ACYP2: variants seen among roughly 807,000 people sequenced by gnomAD.
The protein encoded by ACYP2 is acylphosphatase-2.
ACYP2 carries 12 observed loss-of-function variants against 11.2 expected under a neutral mutation model. The ratio of observed to expected loss-of-function variants is 1.08; its 90% confidence interval spans 0.69 to 1.74. The LOEUF is 1.74. Among genes scored for constraint, ACYP2 ranks in the 40% most tolerant of loss-of-function variants. The pLI, the probability that ACYP2 is intolerant of heterozygous loss-of-function variation, is 0.00. For synonymous variants in ACYP2, 43 were observed against 32.2 expected, an observed-to-expected ratio of 1.33 and a Z score of -1.13; for missense variants, 134 against 101.9, an observed-to-expected ratio of 1.31 and a Z score of -1.35.
intron 6 of ACYP2, among the ~76,000 whole-genome samples, chr2:54,161,449 G>A (rs1442324608): frequency 6.6e-6 from 1 of 152,112 alleles, no homozygotes; most frequent in Non-Finnish European, 1.5e-5. Flanking sequence ...GTTACTCAAG[G>A]GCGTATAGCA....
At chr2:54,054,423 G>A (rs1002868561) in intron 3 of ACYP2, among the ~76,000 whole-genome samples, 2 of 152,184 alleles carry the variant, frequency 1.3e-5, no homozygotes, top group Non-Finnish European at 2.9e-5. Flanking sequence ...GGTCTGAAAA[G>A]GAAGTTCGAA....
At chr2:54,299,591 C>CAA (rs1213298753) in intron 6 of ACYP2, among the ~76,000 whole-genome samples, 30 of 79,390 alleles carry the variant, frequency 3.8e-4, no homozygotes, top group African/African-American at 9.6e-4. Flanking sequence ...GACTCTGTCT[C>CAA]AAAAAAAAAA....
intron 2 of ACYP2, among the ~76,000 whole-genome samples, chr2:53,989,817 CATT>C (rs1672200617): frequency 6.6e-6 from 1 of 152,010 alleles, no homozygotes; most frequent in Admixed American, 6.6e-5. Context: ...CTACAGTGGC[CATT>C]ATGTCAAATA....
At chr2:54,191,138 C>G (rs1182592021) in intron 6 of ACYP2, among the ~76,000 whole-genome samples, 1 of 152,154 alleles carries the variant, frequency 6.6e-6, no homozygotes, top group Non-Finnish European at 1.5e-5. Flanking sequence ...CAGCTCCCTG[C>G]TTTCCCCTGT....
chr2:54,293,524 C>T (rs1292669109), intron 6 of ACYP2, among the ~76,000 whole-genome samples: 2 of 152,206 alleles, frequency 1.3e-5, no homozygotes, highest in African/African-American at 2.4e-5. Flanking sequence ...CTGCCAAGAC[C>T]AAGAGGTCTC....
intron 6 of ACYP2, among the ~76,000 whole-genome samples, chr2:54,169,942 G>T (rs2103847266): frequency 6.6e-6 from 1 of 152,008 alleles, no homozygotes; most frequent in Admixed American, 6.6e-5. Context: ...GATATTATCT[G>T]GTGACTTTTT....
chr2:54,029,495 C>G, intron 2 of ACYP2: 1 of 371,224 alleles, frequency 2.7e-6, no homozygotes, highest in South Asian at 2.4e-5. Context: ...TGCATGAATT[C>G]ATAGGGAAGT....
chr2:53,973,314 G>A (rs557976961), intron 1 of ACYP2, among the ~76,000 whole-genome samples: 1 of 152,162 alleles, frequency 6.6e-6, no homozygotes, highest in Non-Finnish European at 1.5e-5. Context: ...AAATAATGGG[G>A]TAGGGAGAGC....
At chr2:54,205,470 C>T (rs545439800) in intron 6 of ACYP2, among the ~76,000 whole-genome samples, 1 of 152,300 alleles carries the variant, frequency 6.6e-6, no homozygotes, top group African/African-American at 2.4e-5. Context: ...TATACATTCT[C>T]CTCTCCCCGC....
At chr2:54,107,067 C>A (rs1679206842) in intron 4 of ACYP2, among the ~76,000 whole-genome samples, 1 of 152,120 alleles carries the variant, frequency 6.6e-6, no homozygotes, top group African/African-American at 2.4e-5. Context: ...ATTTAGGTGG[C>A]ACTAGCTTCC....
intron 2 of ACYP2, among the ~76,000 whole-genome samples, chr2:53,980,535 G>A (rs183278652): frequency 6.6e-6 from 1 of 151,860 alleles, no homozygotes; most frequent in East Asian, 1.9e-4. Context: ...TGGGCAACGT[G>A]GTGAGACCTC....
intron 6 of ACYP2, among the ~76,000 whole-genome samples, chr2:54,265,189 A>G (rs1687959115): frequency 6.6e-6 from 1 of 152,100 alleles, no homozygotes; most frequent in Admixed American, 6.5e-5. Context: ...AAATTTACAA[A>G]AGAAAGAGGT....
At chr2:54,109,862 T>G (rs1679366162) in intron 4 of ACYP2, among the ~76,000 whole-genome samples, 1 of 152,154 alleles carries the variant, frequency 6.6e-6, no homozygotes, top group Admixed American at 6.5e-5. Flanking sequence ...TTGTTGCAAT[T>G]AATGAACCAA....
At chr2:54,019,730 C>T (rs946593043) in intron 2 of ACYP2, among the ~76,000 whole-genome samples, 1 of 152,110 alleles carries the variant, frequency 6.6e-6, no homozygotes, top group African/African-American at 2.4e-5. Context: ...AGCGATTCTC[C>T]TGCCTCAGCC....
chr2:54,081,432 T>C (rs1296371741), intron 4 of ACYP2, among the ~76,000 whole-genome samples: 3 of 152,186 alleles, frequency 2.0e-5, no homozygotes, highest in Non-Finnish European at 4.4e-5. Context: ...ACCTTCTCTA[T>C]GTTTAGATAT....
intron 3 of ACYP2, among the ~76,000 whole-genome samples, chr2:54,053,869 G>C (rs928454785): frequency 6.6e-6 from 1 of 152,132 alleles, no homozygotes; most frequent in Non-Finnish European, 1.5e-5. Context: ...CTCTTGATTA[G>C]ACCCTAACTA....
intron 6 of ACYP2, among the ~76,000 whole-genome samples, chr2:54,274,625 CAAAAAAAAA>C (rs70944155): frequency 1.1e-4 from 4 of 37,674 alleles, no homozygotes; most frequent in Non-Finnish European, 1.3e-4. Context: ...GACTCCATCT[CAAAAAAAAA>C]AAAAAAAAAA....
intron 4 of ACYP2, among the ~76,000 whole-genome samples, chr2:54,080,880 C>A (rs1200148403): frequency 6.6e-6 from 1 of 152,136 alleles, no homozygotes; most frequent in Non-Finnish European, 1.5e-5. Context: ...CTTGCCTCGA[C>A]CTCCCAAAGT....
At chr2:54,071,490 G>A (rs1309244299) in intron 4 of ACYP2, among the ~76,000 whole-genome samples, 1 of 151,204 alleles carries the variant, frequency 6.6e-6, no homozygotes, top group Non-Finnish European at 1.5e-5. Flanking sequence ...TTTTGAGACT[G>A]GGTCTCGCTC....
Sources: allele counts gnomAD v4.1 joint callset (sites outside exome capture counted in the v4.1 genomes callset), GRCh38; gene constraint gnomAD v4.1.1; transcripts MANE v1.5; gene names NCBI Gene and HGNC (gene_info 2026-07-23, HGNC 2026-07-21).